EGR1: variants seen among roughly 807,000 people sequenced by gnomAD.
EGR1 encodes the protein early growth response protein 1.
A neutral mutation model predicts 30.2 loss-of-function variants in EGR1; 8 were observed. The observed-to-expected ratio is 0.26, with a 90% confidence interval of 0.16 to 0.48. The LOEUF is 0.48. EGR1 is among the 20% of genes least tolerant of loss of function. The probability of loss-of-function intolerance (pLI) is 0.99; values close to 1 mark genes in which losing one functional copy is unlikely to be tolerated. For missense variants in EGR1, 568 were observed against 732.3 expected (o/e 0.78, Z 2.59); for synonymous variants, 334 against 312.8 (o/e 1.07, Z -0.72).
Position 138,465,857 on chromosome 5 carries a change from C to G in EGR1, c.96C>G (p.Tyr32Ter). Residue 32 changes from tyrosine to a stop codon, truncating the protein, a stop_gained, in exon 1 of 2, where the codon TAC becomes TAG. Coordinates refer to ENST00000239938, the MANE Select transcript of EGR1 (RefSeq NM_001964.3). LOFTEE classifies it high-confidence loss of function. ...SFPHSPTMDNYPKLEEMMLLS... is the reference protein window; with the variant it reads ...SFPHSPTMDN Reference sequence around the variant, plus strand: ...CTCACTCGCCCACCATGGACAACTACCCTAAGCTGGAGGAGATGATGCTGC... The same window carrying G: ...CTCACTCGCCCACCATGGACAACTAGCCTAAGCTGGAGGAGATGATGCTGC... The G allele has an allele frequency of 6.2e-7, 1 of 1,614,010 alleles. No individual in the cohort carries two copies. Among genetic ancestry groups the G allele is most frequent in the Non-Finnish European group, 8.5e-7 (1 of 1,179,866 alleles).
Position 138,468,312 on chromosome 5 carries a change from C to T in EGR1, c.*231C>T, listed in dbSNP as rs1341193048. ...TTTGACTTCAGCTGCCTGAAACAGC[C>T]ATGTCCAAGTTCTTCACCTCTATCC... On this transcript the variant is annotated 3_prime_UTR_variant, in exon 2 of 2. Transcript: ENST00000239938. The T allele has an allele frequency of 2.2e-6, 2 of 894,584 alleles. No individual in the cohort carries two copies. The highest frequency in any genetic ancestry group is 4.1e-5 in the Admixed American group (2 of 49,248). The allele number at this position is 894,584 out of a possible 1,614,324, so 55.4% of individuals were successfully genotyped here.
rs1764140749 is a variant in EGR1 at position 138,465,590 on chromosome 5, TCCA to T, written c.-170_-168del. Reference sequence around the variant, plus strand: ...CCCCAGCCTCCGCAGCCGCGGCGCGTCCACGCCCGCCCGCGCCCAGGGCGAGTC... The same window carrying T: ...CCCCAGCCTCCGCAGCCGCGGCGCGTCGCCCGCCCGCGCCCAGGGCGAGTC... On this transcript the variant is annotated 5_prime_UTR_variant, in exon 1 of 2. Coordinates refer to ENST00000239938, the MANE Select transcript of EGR1 (RefSeq NM_001964.3). 1.3e-5 allele frequency: 8 copies of T among 609,718 alleles called. No homozygotes were observed. In the East Asian group the frequency reaches 2.9e-4, roughly 22 times the overall value. The allele number at this position is 609,718 out of a possible 1,614,324, so 37.8% of individuals were successfully genotyped here.
Position 138,465,863 on chromosome 5 carries a change from G to C in EGR1, c.102G>C (p.Lys34Asn), listed in dbSNP as rs368477832. The change falls in exon 1 of 2, where the codon AAG (lysine) becomes AAC (asparagine). Residue 34 changes from lysine (K) to asparagine (N), a missense_variant. Physicochemically the swap from Lys to Asn is moderately conservative, Grantham distance 94 (BLOSUM62 0). This residue lies in a region of EGR1 where 415 missense variants were observed against 445.2 expected (regional missense o/e 0.93). Coordinates refer to ENST00000239938, the MANE Select transcript of EGR1 (RefSeq NM_001964.3). ...PHSPTMDNYPKLEEMMLLSNG... is the reference protein window; with the variant it reads ...PHSPTMDNYPNLEEMMLLSNG... ...CGCCCACCATGGACAACTACCCTAA[G>C]CTGGAGGAGATGATGCTGCTGAGCA... The C allele has an allele frequency of 2.5e-6, 4 of 1,613,986 alleles. No individual in the cohort carries two copies. The highest frequency in any genetic ancestry group is 2.7e-5 in the African/African-American group (2 of 75,054).
chr5:138,467,808 G>T lies in EGR1; in HGVS notation c.1359G>T (p.Pro453=). 1 of 1,612,720 alleles carries T rather than the reference G, an allele frequency of 6.2e-7. No individual in the cohort carries two copies. The highest frequency in any genetic ancestry group is 8.5e-7 in the Non-Finnish European group (1 of 1,179,772). The part of the protein sequence containing the change: ...PSPVATSYPS[P]VTTSYPSPAT... ...CGGTTGCTACCTCTTACCCGTCCCC[G>T]GTTACTACCTCTTATCCATCCCCGG... is the stretch of plus-strand genomic sequence containing the variant. The change falls in exon 2 of 2, where the codon CCG becomes CCT. Residue 453 remains proline, a synonymous_variant. Coordinates refer to ENST00000239938, the MANE Select transcript of EGR1 (RefSeq NM_001964.3). The surrounding 1 kb of genome is among the most constrained non-coding windows in gnomAD (Gnocchi z 8.3).
chr5:138,466,194 A>G (rs1764156120), intron 1 of EGR1, 126 bp downstream of exon 1: 1 of 1,405,454 alleles, frequency 7.1e-7, no homozygotes, highest in South Asian at 1.5e-5. Flanking sequence ...TCGCATCCCC[A>G]GAGTCATGTG....
Position 138,468,887 on chromosome 5 carries a change from A to G in EGR1, c.*806A>G, listed in dbSNP as rs962489006. ...TGATGCGCCTTGCTGATGGCTTGAC[A>G]TGTGCAATTGTGAGGGACATGCTCA... On this transcript the variant is annotated 3_prime_UTR_variant, in exon 2 of 2. Transcript: ENST00000239938. The G allele has an allele frequency of 6.7e-6, 1 of 150,290 alleles. No homozygotes were observed. The highest frequency in any genetic ancestry group is 1.5e-5 in the Non-Finnish European group (1 of 67,802). 9.3% of individuals were successfully genotyped at this position (150,290 alleles called of 1,614,324 possible). A position where few individuals can be genotyped will look rare whatever the true frequency, so the allele number is the denominator to read the frequency against.
rs200710842 is a variant in EGR1, at chr5:138,467,286, C to T, written c.837C>T (p.Ser279=). 1 of 1,614,086 alleles carries T rather than the reference C, an allele frequency of 6.2e-7. No individual in the cohort carries two copies. The highest frequency in any genetic ancestry group is 1.1e-5 in the South Asian group (1 of 91,084). Residue 279 remains serine (S), a synonymous_variant, in exon 2 of 2, where the codon AGC becomes AGT. Coordinates refer to ENST00000239938, the MANE Select transcript of EGR1 (RefSeq NM_001964.3). The surrounding 1 kb of genome is among the most constrained non-coding windows in gnomAD (Gnocchi z 8.3). ...PDQKPFQGLE[S]RTQQPSLTPL... ...AGAAGCCCTTCCAGGGCCTGGAGAG[C>T]CGCACCCAGCAGCCTTCGCTAACCC...
rs1193422730 is a variant in EGR1 at position 138,467,034 on chromosome 5, A to G, written c.585A>G (p.Pro195=). The change falls in exon 2 of 2, where the codon CCA becomes CCG. Residue 195 remains proline (P), a synonymous_variant. Transcript: ENST00000239938. The surrounding 1 kb of genome is among the most constrained non-coding windows in gnomAD (Gnocchi z 8.3). ...GCCCACCCCTGAGCTGCGCAGTGCC[A>G]TCCAACGACAGCAGTCCCATTTACT... ...SQSPPLSCAV[P]SNDSSPIYSA... The G allele has an allele frequency of 2.5e-6, 4 of 1,613,974 alleles. No individual in the cohort carries two copies. The East Asian group carries it at 6.7e-5, about 27-fold the overall frequency.
intron 1 of EGR1, among the ~76,000 whole-genome samples, chr5:138,466,346 G>C (rs1448156153): frequency 6.6e-6 from 1 of 152,230 alleles, no homozygotes; most frequent in Admixed American, 6.5e-5. Flanking sequence ...TTTGATGAGC[G>C]GGGCTGCGCC....
chr5:138,467,217 G>A lies in EGR1; in HGVS notation c.768G>A (p.Leu256=). 1 of 1,613,266 alleles carries A rather than the reference G, an allele frequency of 6.2e-7. No individual in the cohort carries two copies. The highest frequency in any genetic ancestry group is 1.1e-5 in the South Asian group (1 of 91,086). The change falls in exon 2 of 2, where the codon CTG becomes CTA. Residue 256 remains leucine (L), a synonymous_variant. Transcript: ENST00000239938. This position sits in a 1 kb window ranked among gnomAD's most constrained non-coding sequence, Gnocchi z 8.3. ...AGGTTCCCATGATCCCCGACTACCTGTTTCCACAGCAGCAGGGGGATCTGG... is the reference window on the plus strand; with the variant it reads ...AGGTTCCCATGATCCCCGACTACCTATTTCCACAGCAGCAGGGGGATCTGG... ...GFQVPMIPDY[L]FPQQQGDLGL...
In EGR1 at chr5:138,465,848, G is replaced by T; in HGVS notation, c.87G>T (p.Met29Ile). Reference protein sequence around the residue: ...PFGSFPHSPTMDNYPKLEEMM... With the variant: ...PFGSFPHSPTIDNYPKLEEMM... ...GATCCTTTCCTCACTCGCCCACCAT[G>T]GACAACTACCCTAAGCTGGAGGAGA... The change falls in exon 1 of 2, where the codon ATG becomes ATT. Residue 29 changes from methionine (M) to isoleucine (I), a missense_variant. This residue lies in a region of EGR1 where 415 missense variants were observed against 445.2 expected (regional missense o/e 0.93). Transcript: ENST00000239938. 1.2e-6 allele frequency: 2 copies of T among 1,613,966 alleles called. No homozygotes were observed. The highest frequency in any genetic ancestry group is 1.7e-6 in the Non-Finnish European group (2 of 1,179,866).
rs1267870077 is a variant in EGR1, at chr5:138,468,689, T to C, written c.*608T>C. On this transcript the variant is annotated 3_prime_UTR_variant, in exon 2 of 2. Transcript: ENST00000239938. ...TTTTTTTTTGAAACAGCAGTCCCAG[T>C]ATTCTCAGAGCATGTGTCAGAGTGT... 6.4e-6 allele frequency: 1 copy of C among 155,932 alleles called. No individual in the cohort carries two copies. Among genetic ancestry groups the C allele is most frequent in the African/African-American group, 2.4e-5 (1 of 41,414 alleles). 9.7% of individuals were successfully genotyped at this position (155,932 alleles called of 1,614,324 possible).
At position 138,469,138 on chromosome 5, in the gene EGR1, G is replaced by A. The variant is rs1764196525; in HGVS notation, c.*1057G>A. The A allele has an allele frequency of 1.3e-5, 2 of 152,300 alleles. No individual in the cohort carries two copies. The highest frequency in any genetic ancestry group is 2.4e-5 in the African/African-American group (1 of 41,410). 9.4% of individuals were successfully genotyped at this position (152,300 alleles called of 1,614,324 possible). On this transcript the variant is annotated 3_prime_UTR_variant, in exon 2 of 2. Coordinates refer to ENST00000239938, the MANE Select transcript of EGR1 (RefSeq NM_001964.3). ...ACCTACTGAGTAGGCGGCGATTTTTGTATGTTATGAACATGCAGTTCATTA... is the reference window on the plus strand; with the variant it reads ...ACCTACTGAGTAGGCGGCGATTTTTATATGTTATGAACATGCAGTTCATTA...
In EGR1 at chr5:138,468,505, C is replaced by T. The variant is rs1169350518; in HGVS notation, c.*424C>T. The stretch of plus-strand genomic sequence containing the variant: ...TGTACAGTGTCTGTGCCATGGATTT[C>T]GTTTTTCTTGGGGTACTCTTGATGT... On this transcript the variant is annotated 3_prime_UTR_variant, in exon 2 of 2. Transcript: ENST00000239938. 4.9e-5 allele frequency: 10 copies of T among 205,698 alleles called. No homozygotes were observed. The highest frequency in any genetic ancestry group is 3.1e-4 in the South Asian group (5 of 16,304). 12.7% of individuals were successfully genotyped at this position (205,698 alleles called of 1,614,324 possible).
In EGR1 at chr5:138,467,472, A is replaced by C. The variant is rs1204047858; in HGVS notation, c.1023A>C (p.Pro341=). 1.2e-6 allele frequency: 2 copies of C among 1,613,630 alleles called. No homozygotes were observed. Among genetic ancestry groups the C allele is most frequent in the Non-Finnish European group, 1.7e-6 (2 of 1,179,984 alleles). The change falls in exon 2 of 2, where the codon CCA becomes CCC. Residue 341 remains proline, a synonymous_variant. Transcript: ENST00000239938. The surrounding 1 kb of genome is among the most constrained non-coding windows in gnomAD (Gnocchi z 8.3). ...CCCACGAACGCCCTTACGCTTGCCC[A>C]GTGGAGTCCTGTGATCGCCGCTTCT... ...TPPHERPYAC[P]VESCDRRFSR... is the part of the protein sequence containing the mutation.
rs113180988 is a variant in EGR1 at position 138,465,994 on chromosome 5, A to ACAGCAG, written c.248_253dup (p.Ser83_Ser84dup). ...GGTGGAGGCGGCGGGGGCGGCAGCA[A>ACAGCAG]CAGCAGCAGCAGCAGCAGCACCTTC... On this transcript the variant is annotated inframe_insertion, in exon 1 of 2. Coordinates refer to ENST00000239938, the MANE Select transcript of EGR1 (RefSeq NM_001964.3). The ACAGCAG allele has an allele frequency of 6.2e-6, 10 of 1,608,594 alleles. No individual in the cohort carries two copies. The highest frequency in any genetic ancestry group is 7.6e-6 in the Non-Finnish European group (9 of 1,177,538).
Position 138,467,963 on chromosome 5 carries a change from C to G in EGR1, c.1514C>G (p.Ala505Gly). The G allele has an allele frequency of 6.2e-7, 1 of 1,614,112 alleles. No homozygotes were observed. Among genetic ancestry groups the G allele is most frequent in the Non-Finnish European group, 8.5e-7 (1 of 1,179,986 alleles). The change falls in exon 2 of 2, where the codon GCT becomes GGT. Residue 505 changes from alanine (A) to glycine (G), a missense_variant. Ala to Gly is a moderately conservative substitution (Grantham distance 60, BLOSUM62 0). Coordinates refer to ENST00000239938, the MANE Select transcript of EGR1 (RefSeq NM_001964.3). The surrounding 1 kb of genome is among the most constrained non-coding windows in gnomAD (Gnocchi z 8.3). ...ACCACGTACTCCTCTGTTCCCCCTG[C>G]TTTCCCGGCCCAGGTCAGCAGCTTC... ...VATTYSSVPP[A>G]FPAQVSSFPS... is the part of the protein sequence containing the mutation.
chr5:138,466,751 T>C lies in EGR1; in HGVS notation c.308-6T>C, dbSNP rs749875833. Reference sequence around the variant, plus strand: ...CCAGGCCTCCCGCTTCTCTCTCTCCTGCCAGAGTCTTTTCCTGACATCTCT... The same window carrying C: ...CCAGGCCTCCCGCTTCTCTCTCTCCCGCCAGAGTCTTTTCCTGACATCTCT... On this transcript the variant is annotated splice_polypyrimidine_tract_variant and splice_region_variant and intron_variant, in intron 1 of 1. Coordinates refer to ENST00000239938, the MANE Select transcript of EGR1 (RefSeq NM_001964.3). 15 of 1,604,106 alleles carry C rather than the reference T, an allele frequency of 9.4e-6. No individual in the cohort carries two copies. The Admixed American group carries it at 1.5e-4, about 16-fold the overall frequency.
Position 138,468,212 on chromosome 5 carries a change from C to T in EGR1, c.*131C>T, listed in dbSNP as rs995383525. On this transcript the variant is annotated 3_prime_UTR_variant, in exon 2 of 2. Transcript: ENST00000239938. ...TGGAGGTTCTCAGAGCCAAGTCCTC[C>T]CTCTCTACTGGAGTGGAAGGTCTAT... 5 of 1,503,762 alleles carry T rather than the reference C, an allele frequency of 3.3e-6. No individual in the cohort carries two copies. The allele number at this position is 1,503,762 out of a possible 1,614,324, so 93.2% of individuals were successfully genotyped here.
Sources: gnomAD v4.1 joint callset for allele counts (sites outside exome capture counted in the v4.1 genomes callset) on GRCh38, gnomAD v4.1.1 for gene constraint, gnomAD v4.1.1 regional missense constraint, Gnocchi (gnomAD v3.1) non-coding constraint, MANE v1.5 for transcripts, NCBI Gene and HGNC (gene_info 2026-07-23, HGNC 2026-07-21) for gene names.